Variants in DEPDC7 observed in about 807,000 individuals in gnomAD.
DEPDC7 encodes the protein DEP domain-containing protein 7.
A neutral mutation model predicts 56.6 loss-of-function variants in DEPDC7; 41 were observed. That is an observed-to-expected ratio of 0.72 (90% CI 0.56 to 0.94). DEPDC7 has a LOEUF of 0.94. DEPDC7 is among the 40% of genes least tolerant of loss of function. The probability of loss-of-function intolerance (pLI) is 0.00; values close to 1 mark genes in which losing one functional copy is unlikely to be tolerated. For synonymous variants in DEPDC7, 185 were observed against 208.8 expected (o/e 0.89, Z 0.98); for missense variants, 522 against 596.3 (o/e 0.88, Z 1.30).
intron 1 of DEPDC7, among the ~76,000 whole-genome samples, chr11:33,018,963 G>A (rs1853494662): frequency 6.6e-6 from 1 of 152,246 alleles, no homozygotes; most frequent in African/African-American, 2.4e-5. Flanking sequence ...ATGAGTGAGA[G>A]AAGTGGAGTT....
chr11:33,029,512 T>A lies in DEPDC7; in HGVS notation c.782+720T>A, dbSNP rs1000829323. Reference sequence around the variant, plus strand: ...CTCAAAAAAAAAAAAAAAAAAAAAATGAAAGTAACTCTCTCATTCCAGTTA... The same window carrying A: ...CTCAAAAAAAAAAAAAAAAAAAAAAAGAAAGTAACTCTCTCATTCCAGTTA... On this transcript the variant is annotated intron_variant, in intron 4 of 8. Coordinates refer to ENST00000241051, the MANE Select transcript of DEPDC7 (RefSeq NM_001077242.2). 3.1e-3 allele frequency among the ~76,000 whole-genome samples: 399 copies of A among 128,724 alleles called. 2 individuals are homozygous for A. The highest frequency in any genetic ancestry group is 0.01 in the African/African-American group (348 of 34,282). The allele number at this position is 128,724 out of a possible 152,430, so 84.4% of individuals were successfully genotyped here. A position where few individuals can be genotyped will look rare whatever the true frequency, so the allele number is the denominator to read the frequency against.
At chr11:33,019,192 A>T (rs1853497289) in intron 1 of DEPDC7, among the ~76,000 whole-genome samples, 1 of 152,038 alleles carries the variant, frequency 6.6e-6, no homozygotes, top group Non-Finnish European at 1.5e-5. Context: ...CCTTGGCACT[A>T]CTGACGTTTT....
At chr11:33,023,675 G>A (rs867586788) in intron 1 of DEPDC7, among the ~76,000 whole-genome samples, 1 of 152,168 alleles carries the variant, frequency 6.6e-6, no homozygotes, top group Non-Finnish European at 1.5e-5. Context: ...TGGGATTGCA[G>A]GTGCCTGCTA....
In DEPDC7 at chr11:33,015,898, C is replaced by A; in HGVS notation, c.-58C>A. ...CCCGCACAGTTAACAGACGGGCGCTCAGGGAGCTAGGGAGCTGTGAAGCTG... is the reference window on the plus strand; with the variant it reads ...CCCGCACAGTTAACAGACGGGCGCTAAGGGAGCTAGGGAGCTGTGAAGCTG... On this transcript the variant is annotated 5_prime_UTR_variant, in exon 1 of 9. Coordinates refer to ENST00000241051, the MANE Select transcript of DEPDC7 (RefSeq NM_001077242.2). The A allele has an allele frequency of 1.3e-6, 2 of 1,505,610 alleles. No homozygotes were observed. Among genetic ancestry groups the A allele is most frequent in the Non-Finnish European group, 1.8e-6 (2 of 1,116,598 alleles). The allele number at this position is 1,505,610 out of a possible 1,614,324, so 93.3% of individuals were successfully genotyped here. A position where few individuals can be genotyped will look rare whatever the true frequency, so the allele number is the denominator to read the frequency against.
In DEPDC7 at chr11:33,026,006, G is replaced by A. The variant is rs1853574552; in HGVS notation, c.421G>A (p.Asp141Asn). 1.2e-6 allele frequency: 2 copies of A among 1,613,996 alleles called. No individual in the cohort carries two copies. Among genetic ancestry groups the A allele is most frequent in the Non-Finnish European group, 1.7e-6 (2 of 1,179,972 alleles). ...LYRFTTIPNQ[D>N]SQLGKENKLY... ...TAGATTCACCACAATACCTAACCAA[G>A]ACAGTCAGTTAGGCAAAGAGAACAA... The change falls in exon 2 of 9, where the codon GAC becomes AAC. Residue 141 changes from aspartate to asparagine, a missense_variant. Asp to Asn is a conservative substitution (Grantham distance 23). Transcript: ENST00000241051.
At chr11:33,033,127 C>A in intron 8 of DEPDC7, 135 bp from the exon 9 acceptor site, 1 of 876,934 alleles carries the variant, frequency 1.1e-6, no homozygotes, top group Non-Finnish European at 1.7e-6. Context: ...GTTAGAAAGT[C>A]AGCAGTGCTT....
chr11:33,024,474 C>T (rs990853041), intron 1 of DEPDC7, among the ~76,000 whole-genome samples: 4 of 149,350 alleles, frequency 2.7e-5, no homozygotes, highest in Admixed American at 1.3e-4. Flanking sequence ...AGTGTAATGA[C>T]GGGGATATGT....
At chr11:33,019,493 C>G (rs750568919) in intron 1 of DEPDC7, among the ~76,000 whole-genome samples, 2 of 151,862 alleles carry the variant, frequency 1.3e-5, no homozygotes, top group Non-Finnish European at 2.9e-5. Context: ...CGACAAAACC[C>G]CATTTCTACT....
intron 1 of DEPDC7, among the ~76,000 whole-genome samples, chr11:33,022,431 C>A (rs1564963645): frequency 6.6e-6 from 1 of 152,120 alleles, no homozygotes; most frequent in East Asian, 1.9e-4. Context: ...AGCTGTGTAA[C>A]TGTGGGCACA....
rs1387080027 is a variant in DEPDC7 at position 33,032,697 on chromosome 11, AT to A, written c.1169del (p.Phe390SerfsTer23). ...SDNRMVVKRI[F>X]SKAIVDNKNL... ...ACAACCGAATGGTTGTGAAAAGGAT[AT>A]TCTCAAAAGCTATTGTTGACAATAA... On this transcript the variant is annotated frameshift_variant, in exon 7 of 9. Coordinates refer to ENST00000241051, the MANE Select transcript of DEPDC7 (RefSeq NM_001077242.2). LOFTEE classifies it high-confidence loss of function. The A allele has an allele frequency of 6.2e-7, 1 of 1,601,392 alleles. No homozygotes were observed. The highest frequency in any genetic ancestry group is 1.1e-5 in the South Asian group (1 of 88,804).
chr11:33,020,538 A>C (rs111881320), intron 1 of DEPDC7, among the ~76,000 whole-genome samples: 2 of 152,182 alleles, frequency 1.3e-5, no homozygotes, highest in African/African-American at 4.8e-5. Flanking sequence ...GGTAGGGTCA[A>C]ATTTGTCCAT....
intron 4 of DEPDC7, among the ~76,000 whole-genome samples, chr11:33,030,227 G>A (rs1360456274): frequency 6.6e-6 from 1 of 152,120 alleles, no homozygotes; most frequent in African/African-American, 2.4e-5. Flanking sequence ...CAAAGTGCTG[G>A]GATTACAGGC....
chr11:33,025,681 A>T lies in DEPDC7; in HGVS notation c.96A>T (p.Pro32=). 1 of 1,608,310 alleles carries T rather than the reference A, an allele frequency of 6.2e-7. No homozygotes were observed. The highest frequency in any genetic ancestry group is 8.5e-7 in the Non-Finnish European group (1 of 1,175,106). The part of the protein sequence containing the change: ...RPPGFSVAQK[P]FGATYVWSSI... ...TAGGTTTCAGTGTAGCTCAGAAGCC[A>T]TTTGGAGCCACGTATGTATGGAGCA... The change falls in exon 2 of 9, where the codon CCA becomes CCT. Residue 32 remains proline, a synonymous_variant. Coordinates refer to ENST00000241051, the MANE Select transcript of DEPDC7 (RefSeq NM_001077242.2).
rs1284496107 is a variant in DEPDC7 at position 33,033,306 on chromosome 11, A to G, written c.1387A>G (p.Asn463Asp). The change falls in exon 9 of 9, where the codon AAT becomes GAT. Residue 463 changes from asparagine to aspartate, a missense_variant. By Grantham distance (23) the Asn-to-Asp change is conservative. Transcript: ENST00000241051. ...QRIDQRDYSN[N>D]TEKTTKDELL... The stretch of plus-strand genomic sequence containing the variant: ...AATTGATCAACGTGACTATTCCAAC[A>G]ATACAGAGAAGACAACCAAAGATGA... 1.9e-6 allele frequency: 3 copies of G among 1,603,712 alleles called. No individual in the cohort carries two copies. In the Middle Eastern group the frequency reaches 5.0e-4, roughly 265 times the overall value.
chr11:33,018,364 T>C (rs192411501), intron 1 of DEPDC7, among the ~76,000 whole-genome samples: 1 of 152,376 alleles, frequency 6.6e-6, no homozygotes, highest in Admixed American at 6.5e-5. Context: ...CAATTCTTTG[T>C]GTGAGTAATA....
chr11:33,017,439 A>C (rs1288471772), intron 1 of DEPDC7, among the ~76,000 whole-genome samples: 1 of 152,180 alleles, frequency 6.6e-6, no homozygotes, highest in Non-Finnish European at 1.5e-5. Flanking sequence ...GGTGTAAGGA[A>C]GTATGTATTC....
intron 1 of DEPDC7, among the ~76,000 whole-genome samples, chr11:33,024,658 AATG>A (rs1381823149): frequency 6.6e-6 from 1 of 152,226 alleles, no homozygotes; most frequent in African/African-American, 2.4e-5. Context: ...ATTGTAACAC[AATG>A]ATAAGTACTT....
intron 1 of DEPDC7, 97 bp downstream of exon 1, chr11:33,016,125 G>T (rs1590205190): frequency 8.1e-7 from 1 of 1,240,798 alleles, no homozygotes; most frequent in Admixed American, 4.4e-5. Context: ...GCGTTCGGCC[G>T]CCTGCGCCTG....
In DEPDC7 at chr11:33,028,722, A is replaced by G. The variant is rs199885269; in HGVS notation, c.712A>G (p.Arg238Gly). Residue 238 changes from arginine (R) to glycine (G), a missense_variant, in exon 4 of 9, where the codon AGG becomes GGG. Physicochemically the swap from Arg to Gly is moderately radical, Grantham distance 125. Coordinates refer to ENST00000241051, the MANE Select transcript of DEPDC7 (RefSeq NM_001077242.2). ...EAVPKIPQPK[R>G]QSTMVNSSNY... is the part of the protein sequence containing the mutation. ...TGTACCTAAAATTCCTCAACCTAAG[A>G]GGCAGTCCACCATGGTCAACAGCAG... 53 of 1,614,010 alleles carry G rather than the reference A, an allele frequency of 3.3e-5. No individual in the cohort carries two copies. The African/African-American group carries it at 6.8e-4, about 21-fold the overall frequency.
Sources: allele counts gnomAD v4.1 joint callset (sites outside exome capture counted in the v4.1 genomes callset), GRCh38; gene constraint gnomAD v4.1.1; transcripts MANE v1.5; gene names NCBI Gene and HGNC (gene_info 2026-07-23, HGNC 2026-07-21).